CWC27: variants seen among roughly 807,000 people sequenced by gnomAD.
CWC27 encodes the protein CWC27 spliceosome associated cyclophilin.
Under a neutral mutation model 63.6 loss-of-function variants are expected in CWC27, and 47 were observed. That is an observed-to-expected ratio of 0.74 (90% CI 0.58 to 0.94). The LOEUF is 0.94. CWC27 is among the 40% of genes least tolerant of loss of function. CWC27 has a pLI of 0.00. For synonymous variants in CWC27, 175 were observed against 179.8 expected (o/e 0.97, Z 0.22); for missense variants, 495 against 554.3 (o/e 0.89, Z 1.07).
At chr5:64,999,745 A>G (rs1395389229) in intron 13 of CWC27, among the ~76,000 whole-genome samples, 1 of 152,084 alleles carries the variant, frequency 6.6e-6, no homozygotes, top group Non-Finnish European at 1.5e-5. Context: ...CCACTGATGG[A>G]CACTTAAGTT....
intron 11 of CWC27, among the ~76,000 whole-genome samples, chr5:64,945,136 C>A (rs1405967212): frequency 1.3e-5 from 2 of 152,090 alleles, no homozygotes; most frequent in Non-Finnish European, 2.9e-5. Context: ...CATTCCCTTA[C>A]CTCTCAGGTA....
chr5:64,789,402 TTTTG>T (rs1743999111), intron 7 of CWC27, among the ~76,000 whole-genome samples: 1 of 152,100 alleles, frequency 6.6e-6, no homozygotes, highest in South Asian at 2.1e-4. Context: ...TTTATATATA[TTTTG>T]TTTATTTCAT....
intron 11 of CWC27, among the ~76,000 whole-genome samples, chr5:64,962,870 A>G (rs1354253034): frequency 6.6e-6 from 1 of 152,210 alleles, no homozygotes; most frequent in Non-Finnish European, 1.5e-5. Context: ...TAAATAAATG[A>G]CCACCCTAGA....
intron 12 of CWC27, among the ~76,000 whole-genome samples, chr5:64,974,492 C>T (rs1330969104): frequency 6.6e-6 from 1 of 152,056 alleles, no homozygotes; most frequent in Non-Finnish European, 1.5e-5. Context: ...GAGACTTATT[C>T]GCTATCACGA....
chr5:64,848,320 T>C (rs1462352862), intron 10 of CWC27, among the ~76,000 whole-genome samples: 1 of 152,026 alleles, frequency 6.6e-6, no homozygotes, highest in Non-Finnish European at 1.5e-5. Context: ...AGACCAATAA[T>C]GAGTAAGCAG....
At chr5:64,845,495 T>G (rs1210392118) in intron 10 of CWC27, among the ~76,000 whole-genome samples, 1 of 152,166 alleles carries the variant, frequency 6.6e-6, no homozygotes, top group African/African-American at 2.4e-5. Context: ...ATTTGGAAAC[T>G]GATACCTAAC....
chr5:64,802,468 G>T (rs1051531473), intron 9 of CWC27, among the ~76,000 whole-genome samples: 1 of 152,134 alleles, frequency 6.6e-6, no homozygotes, highest in Non-Finnish European at 1.5e-5. Context: ...AAAGAAGGAT[G>T]CTATGATCAA....
chr5:64,842,733 A>G (rs181044497), intron 10 of CWC27, among the ~76,000 whole-genome samples: 32 of 152,074 alleles, frequency 2.1e-4, no homozygotes, highest in African/African-American at 7.2e-4. Flanking sequence ...CCTAAGTAGC[A>G]GGGACTGCAG....
chr5:64,996,943 T>C (rs112833379), intron 13 of CWC27, among the ~76,000 whole-genome samples: 6 of 152,112 alleles, frequency 3.9e-5, no homozygotes, highest in African/African-American at 1.4e-4. Flanking sequence ...ATTGTTGGTG[T>C]TGTTGTTGTT....
At chr5:65,009,261 G>C (rs1749903325) in intron 13 of CWC27, among the ~76,000 whole-genome samples, 2 of 152,110 alleles carry the variant, frequency 1.3e-5, no homozygotes, top group Non-Finnish European at 2.9e-5. Flanking sequence ...CACAAGATCA[G>C]CACCAAATCA....
intron 10 of CWC27, among the ~76,000 whole-genome samples, chr5:64,882,107 A>G (rs1399054894): frequency 6.6e-6 from 1 of 152,190 alleles, no homozygotes; most frequent in East Asian, 1.9e-4. Flanking sequence ...AATTGTACTT[A>G]CCTGAGAACA....
chr5:64,945,832 A>G (rs373725804), intron 11 of CWC27, among the ~76,000 whole-genome samples: 10 of 152,296 alleles, frequency 6.6e-5, no homozygotes, highest in African/African-American at 2.4e-4. Flanking sequence ...CAGAAAAGTG[A>G]TTATGAATTG....
intron 10 of CWC27, among the ~76,000 whole-genome samples, chr5:64,862,240 T>G (rs897406130): frequency 1.3e-5 from 2 of 152,196 alleles, no homozygotes; most frequent in Non-Finnish European, 2.9e-5. Context: ...AATCTGCCTC[T>G]GCAGTTGCTG....
At chr5:64,839,861 TG>T (rs1337190880) in intron 10 of CWC27, among the ~76,000 whole-genome samples, 1 of 150,732 alleles carries the variant, frequency 6.6e-6, no homozygotes, top group African/African-American at 2.4e-5. Context: ...AAAAAAGAAG[TG>T]GCAACTTGAC....
At chr5:64,817,975 A>G (rs567078279) in intron 10 of CWC27, among the ~76,000 whole-genome samples, 1 of 152,208 alleles carries the variant, frequency 6.6e-6, no homozygotes, top group Admixed American at 6.5e-5. Context: ...GACCCTTAAT[A>G]CATGTTACTG....
intron 11 of CWC27, among the ~76,000 whole-genome samples, chr5:64,970,289 T>C (rs1338136740): frequency 6.6e-6 from 1 of 151,108 alleles, no homozygotes; most frequent in African/African-American, 2.4e-5. Flanking sequence ...CTCGGCTCAC[T>C]GCAAGCTCCG....
chr5:64,877,910 C>T lies in CWC27; in HGVS notation c.939-7533C>T, dbSNP rs185911444. Among the ~76,000 whole-genome samples the T allele has an allele frequency of 3.3e-5, 5 of 151,896 alleles. No individual in the cohort carries two copies. In the East Asian group the frequency reaches 9.7e-4, roughly 29 times the overall value. Reference sequence around the variant, plus strand: ...AGCTTTTTTGTGTCTAGGATGAAGACGTCAACACTCAGCATCTCGCTGCTT... The same window carrying T: ...AGCTTTTTTGTGTCTAGGATGAAGATGTCAACACTCAGCATCTCGCTGCTT... On this transcript the variant is annotated intron_variant, in intron 10 of 13. Coordinates refer to ENST00000381070, the MANE Select transcript of CWC27 (RefSeq NM_005869.4).
rs913053373 is a variant in CWC27, at chr5:65,018,309, A to G, written c.1407A>G (p.Lys469=). 1 of 1,592,436 alleles carries G rather than the reference A, an allele frequency of 6.3e-7. No homozygotes were observed. The highest frequency in any genetic ancestry group is 8.5e-7 in the Non-Finnish European group (1 of 1,174,098). The change falls in exon 14 of 14, where the codon AAA becomes AAG. Residue 469 remains lysine (K), a synonymous_variant. Transcript: ENST00000381070. ...GCAAAAAGCTGATGAGAGAGAAAAA[A>G]GAAAGAAGATAAAATGAGAATAATG... ...EESKKLMREK[K]ERR
At position 64,807,592 on chromosome 5, in the gene CWC27, T is replaced by C. The variant is rs571871946; in HGVS notation, c.938+3206T>C. The C allele has an allele frequency of 5.2e-5, 80 of 1,525,004 alleles. 1 individual carries two copies. In the East Asian group the frequency reaches 1.3e-3, roughly 25 times the overall value. The allele number at this position is 1,525,004 out of a possible 1,614,324, so 94.5% of individuals were successfully genotyped here. ...TTTAAAATGTACCAATCCCACTTTC[T>C]TTCCAGCCCACCTTCTCTATGCCTG... On this transcript the variant is annotated intron_variant, in intron 10 of 13. Transcript: ENST00000381070.
Sources: gnomAD v4.1 joint callset for allele counts (sites outside exome capture counted in the v4.1 genomes callset) on GRCh38, gnomAD v4.1.1 for gene constraint, MANE v1.5 for transcripts, NCBI Gene and HGNC (gene_info 2026-07-23, HGNC 2026-07-21) for gene names.